The following EVI5 variants were observed in gnomAD, a reference collection of about 807,000 sequenced individuals.
The protein encoded by EVI5 is ecotropic viral integration site 5.
A neutral mutation model predicts 112.0 loss-of-function variants in EVI5; 73 were observed. The observed-to-expected ratio is 0.65, with a 90% CI of 0.54 to 0.79. EVI5 has a LOEUF of 0.79. EVI5 is among the 30% of genes least tolerant of loss of function. EVI5 has a pLI of 0.00. For synonymous variants in EVI5, 305 were observed against 319.9 expected (o/e 0.95, Z 0.50); for missense variants, 900 against 968.8 (o/e 0.93, Z 0.94).
intron 1 of EVI5, among the ~76,000 whole-genome samples, chr1:92,773,053 CA>C (rs1683640458): frequency 6.7e-6 from 1 of 149,684 alleles, no homozygotes; most frequent in South Asian, 2.1e-4. Flanking sequence ...ACTAAAAATG[CA>C]AAATTAGCCG....
intron 19 of EVI5, among the ~76,000 whole-genome samples, chr1:92,535,036 A>G (rs1170747432): frequency 1.3e-5 from 2 of 152,242 alleles, no homozygotes; most frequent in Non-Finnish European, 2.9e-5. Flanking sequence ...GCATCTGACA[A>G]AGGGCTAATA....
chr1:92,605,499 T>C, intron 17 of EVI5, 97 bp from the exon 18 acceptor site: 1 of 777,476 alleles, frequency 1.3e-6, no homozygotes, highest in Non-Finnish European at 2.2e-6. Flanking sequence ...ACGTTAAGTA[T>C]TATCTAGCAG....
chr1:92,585,082 G>C (rs1672559930), intron 18 of EVI5, among the ~76,000 whole-genome samples: 1 of 152,186 alleles, frequency 6.6e-6, no homozygotes, highest in African/African-American at 2.4e-5. Flanking sequence ...AAATTAGCCA[G>C]GTGTGGTAGC....
At chr1:92,685,083 C>G (rs1243776045) in intron 9 of EVI5, among the ~76,000 whole-genome samples, 4 of 151,964 alleles carry the variant, frequency 2.6e-5, no homozygotes, top group East Asian at 1.9e-4. Context: ...ACTATCCACC[C>G]CAAATCAACA....
chr1:92,587,856 C>T (rs1673063912), intron 18 of EVI5, among the ~76,000 whole-genome samples: 1 of 152,188 alleles, frequency 6.6e-6, no homozygotes, highest in Admixed American at 6.5e-5. Context: ...GCTTAGCCCA[C>T]AGAAGCTTTT....
At chr1:92,633,704 A>G (rs77938323) in intron 14 of EVI5, among the ~76,000 whole-genome samples, 1 of 152,118 alleles carries the variant, frequency 6.6e-6, no homozygotes, top group Non-Finnish European at 1.5e-5. Context: ...TGTGAATTTG[A>G]TCCTGACATT....
At chr1:92,649,024 C>A (rs557929247) in intron 13 of EVI5, among the ~76,000 whole-genome samples, 1 of 152,294 alleles carries the variant, frequency 6.6e-6, no homozygotes, top group Non-Finnish European at 1.5e-5. Context: ...AACTTTTCCA[C>A]CTCATTGCCA....
chr1:92,607,089 T>G (rs1354473912), intron 17 of EVI5, among the ~76,000 whole-genome samples: 28 of 152,130 alleles, frequency 1.8e-4, no homozygotes, highest in Admixed American at 1.8e-3. Flanking sequence ...TATAACTGAT[T>G]AAAATAATAA....
intron 18 of EVI5, chr1:92,580,966 C>T (rs1671840105): frequency 6.6e-6 from 1 of 152,144 alleles, no homozygotes; most frequent in African/African-American, 2.4e-5. Flanking sequence ...TACCTTTCTT[C>T]TTGGTTGGGA....
intron 19 of EVI5, among the ~76,000 whole-genome samples, chr1:92,541,003 G>A (rs1664706335): frequency 6.6e-6 from 1 of 152,162 alleles, no homozygotes; most frequent in Non-Finnish European, 1.5e-5. Context: ...GGCCCCGGGA[G>A]GCGGAGGTTG....
chr1:92,710,331 G>A (rs1225621787), intron 2 of EVI5, among the ~76,000 whole-genome samples: 2 of 151,970 alleles, frequency 1.3e-5, no homozygotes, highest in African/African-American at 4.8e-5. Flanking sequence ...CAGGGTGACA[G>A]AGTGAGATCC....
At chr1:92,766,057 C>G (rs1425693268) in intron 1 of EVI5, among the ~76,000 whole-genome samples, 1 of 150,210 alleles carries the variant, frequency 6.7e-6, no homozygotes, top group Non-Finnish European at 1.5e-5. Flanking sequence ...ATGATCATGC[C>G]ACTCCACTCC....
chr1:92,575,881 G>T (rs1239095777), intron 18 of EVI5, among the ~76,000 whole-genome samples: 1 of 151,912 alleles, frequency 6.6e-6, no homozygotes, highest in Non-Finnish European at 1.5e-5. Flanking sequence ...ATGCATTTTA[G>T]AATTTTTATC....
rs144597007 is a variant in EVI5, at chr1:92,513,722, C to T, written c.2415G>A (p.Glu805=). The change falls in exon 20 of 20, where the codon GAG becomes GAA. Residue 805 remains glutamate (E), a synonymous_variant. Transcript: ENST00000684568. ...ETEDSVLETR[E]SNQVVQKERP... ...GCTCCTTTTGAACCACTTGGTTGCT[C>T]TCTCTGGTCTCCAGCACACTGTCTT... is the stretch of plus-strand genomic sequence containing the variant. 458 of 1,613,470 alleles carry T rather than the reference C, an allele frequency of 2.8e-4. 1 individual carries two copies. Among genetic ancestry groups the T allele is most frequent in the Non-Finnish European group, 3.8e-4 (448 of 1,179,726 alleles).
intron 9 of EVI5, among the ~76,000 whole-genome samples, chr1:92,689,046 G>GA (rs1669044882): frequency 6.6e-6 from 1 of 151,678 alleles, no homozygotes; most frequent in African/African-American, 2.4e-5. Flanking sequence ...AAAAAGGGAG[G>GA]AAAAAAATAG....
intron 18 of EVI5, among the ~76,000 whole-genome samples, chr1:92,604,081 G>A (rs1454822756): frequency 1.3e-5 from 2 of 151,940 alleles, no homozygotes; most frequent in African/African-American, 4.8e-5. Flanking sequence ...TGGGCGCAGT[G>A]GCTCATGCTT....
chr1:92,549,108 C>A (rs1376694352), intron 19 of EVI5, among the ~76,000 whole-genome samples: 2 of 151,676 alleles, frequency 1.3e-5, no homozygotes, highest in Admixed American at 1.3e-4. Context: ...TACTACAAGG[C>A]TACAGTAACC....
chr1:92,765,653 C>A (rs1197047680), intron 1 of EVI5, among the ~76,000 whole-genome samples: 1 of 152,090 alleles, frequency 6.6e-6, no homozygotes, highest in Non-Finnish European at 1.5e-5. Flanking sequence ...CTTTTCAACA[C>A]AGAATTTTGC....
chr1:92,559,354 C>T (rs56406332), intron 19 of EVI5, among the ~76,000 whole-genome samples: 19,210 of 152,144 alleles, frequency 0.13, 1,410 homozygotes, highest in Middle Eastern at 0.18. Flanking sequence ...ACCATTTTTC[C>T]TACCCTTCAC....
Sources: allele counts gnomAD v4.1 joint callset (sites outside exome capture counted in the v4.1 genomes callset), GRCh38; gene constraint gnomAD v4.1.1; transcripts MANE v1.5; gene names NCBI Gene and HGNC (gene_info 2026-07-23, HGNC 2026-07-21).